DNASE1L1: variants seen among roughly 807,000 people sequenced by gnomAD.
DNASE1L1 encodes deoxyribonuclease 1 like 1.
DNASE1L1 carries 8 observed loss-of-function variants against 18.6 expected under a neutral mutation model. The observed-to-expected ratio is 0.43, with a 90% CI of 0.25 to 0.78. DNASE1L1 has a LOEUF of 0.78. DNASE1L1 is among the 30% of genes least tolerant of loss of function. The pLI, the probability that DNASE1L1 is intolerant of heterozygous loss-of-function variation, is 0.23. For synonymous variants in DNASE1L1, 114 were observed against 114.2 expected (o/e 1.00, Z 0.01); for missense variants, 214 against 258.2 (o/e 0.83, Z 1.17).
intron 1 of DNASE1L1, among the ~76,000 whole-genome samples, chrX:154,407,765 C>T (rs1395992115): frequency 3.5e-5 from 3 of 86,447 alleles, no homozygotes; most frequent in African/African-American, 8.7e-5. Flanking sequence ...CCGGCCCCCC[C>T]CCTTTTTTTT....
rs2068034487 is a variant in DNASE1L1, at chrX:154,401,517, G to C, written c.*1190C>G. ...TAACAAGACCTCGGAACAGACACGT[G>C]TGTGGCATGGTTTGGCCTGGGGATC... is the stretch of plus-strand genomic sequence containing the variant. On this transcript the variant is annotated 3_prime_UTR_variant, in exon 8 of 8. Transcript: ENST00000369807. 1 of 119,514 alleles carries C rather than the reference G, an allele frequency of 8.4e-6. No individual in the cohort carries two copies. Among genetic ancestry groups the C allele is most frequent in the Non-Finnish European group, 1.7e-5 (1 of 57,260 alleles). 9.8% of individuals were successfully genotyped at this position (119,514 alleles called of 1,213,427 possible). A position where few individuals can be genotyped will look rare whatever the true frequency, so the allele number is the denominator to read the frequency against.
chrX:154,405,518 C>A lies in DNASE1L1; in HGVS notation c.51G>T (p.Gln17His). The A allele has an allele frequency of 8.3e-7, 1 of 1,200,587 alleles. No homozygotes were observed. Among genetic ancestry groups the A allele is most frequent in the Non-Finnish European group, 1.1e-6 (1 of 887,835 alleles). Residue 17 changes from glutamine to histidine, a missense_variant, in exon 2 of 8, where the codon CAG becomes CAT. Gln to His is a conservative substitution (Grantham distance 24). Coordinates refer to ENST00000369807, the MANE Select transcript of DNASE1L1 (RefSeq NM_001303620.2). The part of the protein sequence containing the change: ...LLFLILANGA[Q>H]AFRICAFNAQ... ...CATTGAAGGCGCAGATGCGAAAGGC[C>A]TGGGCCCCATTGGCCAGGATGAGGA...
At position 154,405,425 on chromosome X, in the gene DNASE1L1, T is replaced by G. The variant is rs782180840; in HGVS notation, c.135+9A>C. ...TAGGGGCACGGCTTCCCTGAAGTGA[T>G]GAACTTACCCGAACTAAGGTGTCCA... On this transcript the variant is annotated intron_variant, in intron 2 of 7. Transcript: ENST00000369807. 3 of 1,178,918 alleles carry G rather than the reference T, an allele frequency of 2.5e-6. No individual in the cohort carries two copies. Among genetic ancestry groups the G allele is most frequent in the Non-Finnish European group, 3.4e-6 (3 of 874,981 alleles).
chrX:154,411,300 C>A (rs1557190211), upstream of DNASE1L1, among the ~76,000 whole-genome samples: 1 of 111,309 alleles, frequency 9.0e-6, no homozygotes, highest in Non-Finnish European at 1.9e-5. Context: ...TCTGGGAGAT[C>A]GAGGCTGCAG....
chrX:154,408,386 C>T (rs992533322), intron 1 of DNASE1L1, among the ~76,000 whole-genome samples: 4 of 111,734 alleles, frequency 3.6e-5, no homozygotes, highest in African/African-American at 6.5e-5. Context: ...GATAAACTCC[C>T]GGCAGTGAAG....
intron 1 of DNASE1L1, among the ~76,000 whole-genome samples, chrX:154,406,057 C>T (rs1431505999): frequency 2.8e-5 from 3 of 106,303 alleles, no homozygotes; most frequent in East Asian, 6.1e-4. Flanking sequence ...CTGCAAGCTC[C>T]GCCTCCTGGG....
chrX:154,403,352 G>A lies in DNASE1L1; in HGVS notation c.442C>T (p.His148Tyr). The A allele has an allele frequency of 1.7e-6, 2 of 1,211,470 alleles. No individual in the cohort carries two copies. Among genetic ancestry groups the A allele is most frequent in the Non-Finnish European group, 2.2e-6 (2 of 895,441 alleles). ...VLPSLVLVPL[H>Y]TTPKAVEKEL... ...TTCTCTACGGCCTTAGGAGTGGTGT[G>A]CAGCGGGACCAACACCAGGCTGGGA... is the stretch of plus-strand genomic sequence containing the variant. Residue 148 changes from histidine to tyrosine, a missense_variant, in exon 6 of 8, where the codon CAC becomes TAC. Physicochemically the swap from His to Tyr is moderately conservative, Grantham distance 83 (BLOSUM62 2). Coordinates refer to ENST00000369807, the MANE Select transcript of DNASE1L1 (RefSeq NM_001303620.2).
At chrX:154,409,712 C>G (rs2068225718), upstream of DNASE1L1, 2 of 112,976 alleles carry the variant, frequency 1.8e-5, no homozygotes, top group Non-Finnish European at 3.7e-5. Context: ...CACACATGAT[C>G]TGGCCACAGT....
Position 154,409,244 on chromosome X carries a change from G to A in DNASE1L1, c.-220C>T, listed in dbSNP as rs1437159677. ...AAGAGGCTGTGTTCCTGAGCCACCC[G>A]GCCAGGAAGGGCCTGGCTGGGCCGG... On this transcript the variant is annotated 5_prime_UTR_variant, in exon 1 of 8. Coordinates refer to ENST00000369807, the MANE Select transcript of DNASE1L1 (RefSeq NM_001303620.2). The A allele has an allele frequency of 4.4e-5, 12 of 274,306 alleles. No homozygotes were observed. Among genetic ancestry groups the A allele is most frequent in the Admixed American group, 3.1e-4 (8 of 26,005 alleles). The allele number at this position is 274,306 out of a possible 1,213,427, so 22.6% of individuals were successfully genotyped here. A position where few individuals can be genotyped will look rare whatever the true frequency, so the allele number is the denominator to read the frequency against.
intron 1 of DNASE1L1, among the ~76,000 whole-genome samples, chrX:154,406,401 C>T (rs2068152962): frequency 1.1e-5 from 1 of 94,051 alleles, no homozygotes; most frequent in Non-Finnish European, 2.1e-5. Context: ...CGGAGTTTCG[C>T]TCTTGCTGCC....
Position 154,402,591 on chromosome X carries a change from G to T in DNASE1L1, c.*116C>A. On this transcript the variant is annotated 3_prime_UTR_variant, in exon 8 of 8. Coordinates refer to ENST00000369807, the MANE Select transcript of DNASE1L1 (RefSeq NM_001303620.2). ...AAATCAAACAAGGCAGGCAGGGGTGGACTACAGTCACAGGGCAACTATAGT... is the reference window on the plus strand; with the variant it reads ...AAATCAAACAAGGCAGGCAGGGGTGTACTACAGTCACAGGGCAACTATAGT... 2.7e-6 allele frequency: 2 copies of T among 729,489 alleles called. No homozygotes were observed. The highest frequency in any genetic ancestry group is 3.9e-6 in the Non-Finnish European group (2 of 510,115). The allele number at this position is 729,489 out of a possible 1,213,427, so 60.1% of individuals were successfully genotyped here.
At chrX:154,405,186 TC>T in intron 2 of DNASE1L1, 103 bp from the exon 3 acceptor site, 1 of 892,677 alleles carries the variant, frequency 1.1e-6, no homozygotes, top group Non-Finnish European at 1.5e-6. Context: ...GTGTTAAGGC[TC>T]ACTGACTGCA....
chrX:154,404,755 G>A (rs1487761289), intron 4 of DNASE1L1, 73 bp downstream of exon 4: 2 of 1,011,511 alleles, frequency 2.0e-6, no homozygotes, highest in African/African-American at 1.9e-5. Flanking sequence ...TGGCCCCGGG[G>A]ACTAATGAGC....
At position 154,402,451 on chromosome X, in the gene DNASE1L1, C is replaced by T. The variant is rs1454936811; in HGVS notation, c.*256G>A. 3.0e-6 allele frequency: 1 copy of T among 337,558 alleles called. No homozygotes were observed. The highest frequency in any genetic ancestry group is 2.6e-5 in the African/African-American group (1 of 38,553). The allele number at this position is 337,558 out of a possible 1,213,427, so 27.8% of individuals were successfully genotyped here. Reference sequence around the variant, plus strand: ...AACCCTCCCTTCCCCTACCCCAACCCAGAGCCCACTTTGTCTCCACTCCTG... The same window carrying T: ...AACCCTCCCTTCCCCTACCCCAACCTAGAGCCCACTTTGTCTCCACTCCTG... On this transcript the variant is annotated 3_prime_UTR_variant, in exon 8 of 8. Transcript: ENST00000369807.
At chrX:154,412,012 A>T, upstream of DNASE1L1, 2 of 1,202,641 alleles carry the variant, frequency 1.7e-6, no homozygotes, top group Non-Finnish European at 2.2e-6. Context: ...CGGAGGTGGG[A>T]CTTAGGGTGG....
Position 154,402,942 on chromosome X carries a change from C to T in DNASE1L1, c.774G>A (p.Glu258=). 1 of 1,209,857 alleles carries T rather than the reference C, an allele frequency of 8.3e-7. No homozygotes were observed. Among genetic ancestry groups the T allele is most frequent in the Non-Finnish European group, 1.1e-6 (1 of 894,788 alleles). Residue 258 remains glutamate (E), a splice_region_variant and synonymous_variant, in exon 7 of 8, where the codon GAG becomes GAA. Coordinates refer to ENST00000369807, the MANE Select transcript of DNASE1L1 (RefSeq NM_001303620.2). ...FPTSFQLTEE[E]ALNISDHYPV... The stretch of plus-strand genomic sequence containing the variant: ...CCTCATGCCAGCCCCATCCCTTCAC[C>T]TCCTCCTCGGTGAGCTGGAAGCTCG...
rs782180840 is a variant in DNASE1L1 at position 154,405,425 on chromosome X, T to C, written c.135+9A>G. Reference sequence around the variant, plus strand: ...TAGGGGCACGGCTTCCCTGAAGTGATGAACTTACCCGAACTAAGGTGTCCA... The same window carrying C: ...TAGGGGCACGGCTTCCCTGAAGTGACGAACTTACCCGAACTAAGGTGTCCA... On this transcript the variant is annotated intron_variant, in intron 2 of 7. Transcript: ENST00000369807. The C allele has an allele frequency of 5.1e-6, 6 of 1,180,026 alleles. No homozygotes were observed. In the South Asian group the frequency reaches 5.6e-5, roughly 11 times the overall value.
rs928320671 is a variant in DNASE1L1, at chrX:154,405,178, G to A, written c.136-95C>T. ...GACTGGCACTGTTGTGGCCCAGAGT[G>A]TTAAGGCTCACTGACTGCAGCCCAC... is the stretch of plus-strand genomic sequence containing the variant. On this transcript the variant is annotated intron_variant, in intron 2 of 7. Transcript: ENST00000369807. The A allele has an allele frequency of 3.9e-4, 365 of 935,302 alleles. 6 individuals carry two copies. Among genetic ancestry groups the A allele is most frequent in the Non-Finnish European group, 7.0e-5 (48 of 682,600 alleles). The allele number at this position is 935,302 out of a possible 1,213,427, so 77.1% of individuals were successfully genotyped here. A position where few individuals can be genotyped will look rare whatever the true frequency, so the allele number is the denominator to read the frequency against.
intron 1 of DNASE1L1, 23 bp downstream of exon 1, chrX:154,409,089 G>T: frequency 3.0e-6 from 1 of 337,639 alleles, no homozygotes; most frequent in Non-Finnish European, 6.0e-6. Context: ...CCCTTCTTCC[G>T]TCTCCCCAGG....
Sources: gnomAD v4.1 joint callset for allele counts (sites outside exome capture counted in the v4.1 genomes callset) on GRCh38, gnomAD v4.1.1 for gene constraint, MANE v1.5 for transcripts, NCBI Gene and HGNC (gene_info 2026-07-23, HGNC 2026-07-21) for gene names.